Variants in HERPUD2 observed in about 807,000 individuals in gnomAD.
The protein encoded by HERPUD2 is homocysteine-responsive endoplasmic reticulum-resident ubiquitin-like domain member 2 protein.
Under a neutral mutation model 49.9 loss-of-function variants are expected in HERPUD2, and 13 were observed. That is an observed-to-expected ratio of 0.26 (90% CI 0.17 to 0.41). The LOEUF (loss-of-function observed/expected upper bound fraction) is 0.41, where lower values mean the gene tolerates loss of function less well. Among genes scored for constraint, HERPUD2 ranks in the 10% least tolerant of loss-of-function variants. The pLI, the probability that HERPUD2 is intolerant of heterozygous loss-of-function variation, is 1.00. For missense variants in HERPUD2, 449 were observed against 492.2 expected (o/e 0.91, Z 0.83); for synonymous variants, 172 against 171.4 (o/e 1.00, Z -0.03).
chr7:35,651,489 A>T (rs1276292346), intron 5 of HERPUD2, among the ~76,000 whole-genome samples: 2 of 152,150 alleles, frequency 1.3e-5, no homozygotes, highest in African/African-American at 4.8e-5. Flanking sequence ...TGTTCCTGAC[A>T]AAATTCATAC....
chr7:35,682,113 C>G (rs1348781918), intron 2 of HERPUD2, among the ~76,000 whole-genome samples: 1 of 151,894 alleles, frequency 6.6e-6, no homozygotes, highest in Non-Finnish European at 1.5e-5. Context: ...TATCAGCTCA[C>G]TGCAACCTCT....
intron 5 of HERPUD2, among the ~76,000 whole-genome samples, chr7:35,647,187 T>C (rs1785070386): frequency 6.6e-6 from 1 of 152,148 alleles, no homozygotes; most frequent in African/African-American, 2.4e-5. Flanking sequence ...AGCAGCAACC[T>C]CATGGAATCC....
chr7:35,666,321 A>T (rs1785535138), intron 5 of HERPUD2, among the ~76,000 whole-genome samples: 1 of 152,256 alleles, frequency 6.6e-6, no homozygotes, highest in African/African-American at 2.4e-5. Flanking sequence ...TCTGAGACAA[A>T]TTAGTTCTCT....
chr7:35,694,375 C>A lies in HERPUD2; in HGVS notation c.-45G>T. The A allele has an allele frequency of 6.2e-7, 1 of 1,610,808 alleles. No homozygotes were observed. Among genetic ancestry groups the A allele is most frequent in the Non-Finnish European group, 8.5e-7 (1 of 1,177,456 alleles). On this transcript the variant is annotated 5_prime_UTR_variant, in exon 2 of 9. Transcript: ENST00000311350. The stretch of plus-strand genomic sequence containing the variant: ...AGAGTCCAGAGGAGCGGCAGTTAAG[C>A]CCAAAAGAGCCGAGATGGTCACCGC...
At chr7:35,651,269 C>T (rs1170882592) in intron 5 of HERPUD2, among the ~76,000 whole-genome samples, 1 of 152,136 alleles carries the variant, frequency 6.6e-6, no homozygotes, top group East Asian at 1.9e-4. Flanking sequence ...GACTGGAGGC[C>T]CCCCAAGAAT....
rs1785314939 is a variant in HERPUD2, at chr7:35,657,868, G to A, written c.494+9566C>T. Among the ~76,000 whole-genome samples the A allele has an allele frequency of 2.0e-5, 3 of 150,162 alleles. No individual in the cohort carries two copies. The South Asian group carries it at 6.3e-4, about 32-fold the overall frequency. On this transcript the variant is annotated intron_variant, in intron 5 of 8. Transcript: ENST00000311350. ...ACCTGGGAGGTGGAGCTTGCAGTGA[G>A]CCGAGATCGCGCCACTGCACTCCAG...
At chr7:35,682,351 GTGTGTGTATATATA>G (rs1186708322) in intron 2 of HERPUD2, among the ~76,000 whole-genome samples, 7 of 28,716 alleles carry the variant, frequency 2.4e-4, no homozygotes, top group African/African-American at 8.8e-4. Context: ...GTGTGTGTGT[GTGTGTGTATATATA>G]TATATATATA....
intron 2 of HERPUD2, among the ~76,000 whole-genome samples, chr7:35,686,920 T>C (rs953703665): frequency 9.5e-5 from 13 of 136,252 alleles, no homozygotes; most frequent in Admixed American, 1.5e-4. Flanking sequence ...ACAGAAAAAT[T>C]AGGTGGGCAG....
chr7:35,652,571 T>C (rs560665613), intron 5 of HERPUD2, among the ~76,000 whole-genome samples: 6 of 140,458 alleles, frequency 4.3e-5, no homozygotes, highest in African/African-American at 1.6e-4. Flanking sequence ...ATATTTGAAG[T>C]GAAGAAAGAA....
chr7:35,633,556 G>T lies in HERPUD2; in HGVS notation c.*134C>A. On this transcript the variant is annotated 3_prime_UTR_variant, in exon 9 of 9. Transcript: ENST00000311350. ...TCGTGCTTAAAATATTCATATGCAT[G>T]AGAAGCCTAAAGAAAAAAAACACCT... The T allele has an allele frequency of 3.5e-6, 2 of 566,802 alleles. No homozygotes were observed. Among genetic ancestry groups the T allele is most frequent in the Non-Finnish European group, 5.9e-6 (2 of 340,578 alleles). 35.1% of individuals were successfully genotyped at this position (566,802 alleles called of 1,614,324 possible).
At chr7:35,659,869 ATTTT>A (rs551905504) in intron 5 of HERPUD2, among the ~76,000 whole-genome samples, 1 of 149,968 alleles carries the variant, frequency 6.7e-6, no homozygotes, top group South Asian at 2.1e-4. Context: ...TTTCATCTTT[ATTTT>A]TTTTATTCCT....
chr7:35,694,471 G>T lies in HERPUD2; in HGVS notation c.-141C>A. 1 of 827,966 alleles carries T rather than the reference G, an allele frequency of 1.2e-6. No individual in the cohort carries two copies. Among genetic ancestry groups the T allele is most frequent in the Non-Finnish European group, 1.9e-6 (1 of 522,086 alleles). 51.3% of individuals were successfully genotyped at this position (827,966 alleles called of 1,614,324 possible). ...GTCCAAGTCAGTTACAAGTGCACTG[G>T]AGGATACGAAGCCCATTGCCGGTAC... On this transcript the variant is annotated 5_prime_UTR_variant, in exon 2 of 9. Transcript: ENST00000311350.
intron 3 of HERPUD2, 67 bp from the exon 4 acceptor site, chr7:35,670,395 C>T (rs1785619871): frequency 1.5e-6 from 1 of 649,786 alleles, no homozygotes; most frequent in Non-Finnish European, 2.4e-6. Context: ...AAGTCAGTAG[C>T]TAAACTGAAA....
chr7:35,664,795 TC>T (rs1785502671), intron 5 of HERPUD2, among the ~76,000 whole-genome samples: 1 of 152,236 alleles, frequency 6.6e-6, no homozygotes. Flanking sequence ...ATTTGTCTAC[TC>T]TTTTTTCAAG....
chr7:35,639,897 G>A (rs1784940765), intron 5 of HERPUD2, among the ~76,000 whole-genome samples: 1 of 152,006 alleles, frequency 6.6e-6, no homozygotes, highest in South Asian at 2.1e-4. Context: ...GCCACATAGG[G>A]TCCCATCCTC....
chr7:35,679,213 A>G (rs1210334033), intron 2 of HERPUD2, among the ~76,000 whole-genome samples: 1 of 152,170 alleles, frequency 6.6e-6, no homozygotes, highest in African/African-American at 2.4e-5. Context: ...TTTTATCCAG[A>G]AAAAAACTCA....
chr7:35,667,036 A>C (rs1044158521), intron 5 of HERPUD2, among the ~76,000 whole-genome samples: 4 of 152,194 alleles, frequency 2.6e-5, no homozygotes, highest in African/African-American at 4.8e-5. Flanking sequence ...GTAGATCTAT[A>C]GTGAGACTGA....
chr7:35,692,696 G>A (rs1786218910), intron 2 of HERPUD2, among the ~76,000 whole-genome samples: 1 of 152,070 alleles, frequency 6.6e-6, no homozygotes, highest in Non-Finnish European at 1.5e-5. Context: ...GATAAACACA[G>A]CTAATGCCGA....
At chr7:35,643,834 T>TAA (rs979220337) in intron 5 of HERPUD2, among the ~76,000 whole-genome samples, 1 of 143,830 alleles carries the variant, frequency 7.0e-6, no homozygotes. Flanking sequence ...AGAAAGCTGT[T>TAA]AAAAAAAAAA....
Sources: allele counts gnomAD v4.1 joint callset (sites outside exome capture counted in the v4.1 genomes callset), GRCh38; gene constraint gnomAD v4.1.1; transcripts MANE v1.5; gene names NCBI Gene and HGNC (gene_info 2026-07-23, HGNC 2026-07-21).